FAM185A: variants seen among roughly 807,000 people sequenced by gnomAD.
FAM185A encodes the protein protein FAM185A.
Under a neutral mutation model 45.7 loss-of-function variants are expected in FAM185A, and 21 were observed. The observed-to-expected ratio is 0.46, with a 90% CI of 0.33 to 0.66. The LOEUF is 0.66. Ranked by LOEUF, FAM185A falls within the 30% of genes least tolerant of loss-of-function variation. The pLI is 0.03. For synonymous variants in FAM185A, 117 were observed against 194.0 expected, an observed-to-expected ratio of 0.60 and a Z score of 3.30; for missense variants, 305 against 485.4, an observed-to-expected ratio of 0.63 and a Z score of 3.49.
chr7:102,799,947 A>T (rs1796681526), intron 7 of FAM185A, among the ~76,000 whole-genome samples: 2 of 152,138 alleles, frequency 1.3e-5, no homozygotes, highest in Admixed American at 1.3e-4. Flanking sequence ...CATAGGAATA[A>T]ATCAGGAAAC....
intron 7 of FAM185A, among the ~76,000 whole-genome samples, chr7:102,795,306 G>A (rs528843997): frequency 1.2e-3 from 187 of 152,222 alleles, no homozygotes; most frequent in African/African-American, 4.1e-3. Flanking sequence ...TCTCTCTACT[G>A]TTTTTGTAAC....
chr7:102,782,394 C>A (rs1795467706), intron 6 of FAM185A, among the ~76,000 whole-genome samples: 2 of 152,238 alleles, frequency 1.3e-5, no homozygotes, highest in South Asian at 4.1e-4. Flanking sequence ...TAAGGGCAGC[C>A]AGAGAGAAAG....
chr7:102,846,183 C>G, the FAM185A span, among the ~76,000 whole-genome samples: 3 of 152,148 alleles, frequency 2.0e-5, no homozygotes, highest in Admixed American at 6.5e-5. Context: ...CCCACTAAAC[C>G]TAGCCTCATC....
intron 4 of FAM185A, among the ~76,000 whole-genome samples, chr7:102,762,810 C>T (rs3893049): frequency 0.85 from 120,866 of 142,956 alleles, 51,476 homozygotes; most frequent in Non-Finnish European, 0.89. Flanking sequence ...TGGAGCTGTA[C>T]CCAGATGAAG....
chr7:102,822,758 G>C, the FAM185A span, among the ~76,000 whole-genome samples: 1 of 152,190 alleles, frequency 6.6e-6, no homozygotes, highest in African/African-American at 2.4e-5. Flanking sequence ...TAAAATATCT[G>C]CCTCAAGTAG....
chr7:102,800,003 A>G (rs1161542499), intron 7 of FAM185A, among the ~76,000 whole-genome samples: 2 of 152,212 alleles, frequency 1.3e-5, no homozygotes, highest in Non-Finnish European at 2.9e-5. Context: ...TTGCTCCTAC[A>G]GGACCCAAGA....
At chr7:102,848,332 G>A in the FAM185A span, among the ~76,000 whole-genome samples, 1 of 50,220 alleles carries the variant, frequency 2.0e-5, no homozygotes, top group South Asian at 6.9e-4. Context: ...CGAGGCGGGC[G>A]GATCACGAGG....
chr7:102,820,344 C>T, the FAM185A span, among the ~76,000 whole-genome samples: 1 of 152,212 alleles, frequency 6.6e-6, no homozygotes, highest in African/African-American at 2.4e-5. Context: ...AATAGGCCTT[C>T]GGCTGTCATG....
rs374709539 is a variant in FAM185A, at chr7:102,762,702, T to C, written c.793+1291T>C. On this transcript the variant is annotated intron_variant, in intron 4 of 7. Transcript: ENST00000413034. Reference sequence around the variant, plus strand: ...AAAAATTTTAAAAAGCATACTTATATGCTTGAAATAGTTCTGGAGCCTCAA... The same window carrying C: ...AAAAATTTTAAAAAGCATACTTATACGCTTGAAATAGTTCTGGAGCCTCAA... Among the ~76,000 whole-genome samples, 6 of 152,240 alleles carry C rather than the reference T, an allele frequency of 3.9e-5. No homozygotes were observed. In the East Asian group the frequency reaches 1.2e-3, roughly 29 times the overall value.
At chr7:102,828,695 G>A in the FAM185A span, among the ~76,000 whole-genome samples, 2 of 152,164 alleles carry the variant, frequency 1.3e-5, no homozygotes, top group African/African-American at 2.4e-5. Flanking sequence ...TGTTTCAGTG[G>A]TCTAGAGACA....
At chr7:102,847,577 A>G in the FAM185A span, among the ~76,000 whole-genome samples, 2 of 151,660 alleles carry the variant, frequency 1.3e-5, no homozygotes, top group Admixed American at 1.3e-4. Context: ...CCCAGGCTGG[A>G]GTGCAGTGGT....
At chr7:102,798,459 C>A (rs7778519) in intron 7 of FAM185A, among the ~76,000 whole-genome samples, 2 of 151,604 alleles carry the variant, frequency 1.3e-5, no homozygotes, top group African/African-American at 4.9e-5. Context: ...GCTGAAATTG[C>A]TTGTGTGTTC....
chr7:102,846,214 G>T, the FAM185A span, among the ~76,000 whole-genome samples: 1 of 152,108 alleles, frequency 6.6e-6, no homozygotes, highest in Non-Finnish European at 1.5e-5. Flanking sequence ...AAATTATAAT[G>T]ATTTCTGTTT....
chr7:102,779,994 A>G (rs1182668962), intron 6 of FAM185A, among the ~76,000 whole-genome samples: 1 of 151,838 alleles, frequency 6.6e-6, no homozygotes, highest in Non-Finnish European at 1.5e-5. Context: ...TACAGCCACA[A>G]GCCACTGTGC....
chr7:102,804,280 C>G (rs575788063), intron 7 of FAM185A, among the ~76,000 whole-genome samples: 1 of 152,166 alleles, frequency 6.6e-6, no homozygotes, highest in Non-Finnish European at 1.5e-5. Flanking sequence ...TGACTTCAAA[C>G]TATACTTTAA....
At chr7:102,753,247 T>C (rs1409576746) in intron 2 of FAM185A, among the ~76,000 whole-genome samples, 1 of 151,678 alleles carries the variant, frequency 6.6e-6, no homozygotes, top group Non-Finnish European at 1.5e-5. Flanking sequence ...TTCAGAAAAC[T>C]AATCTAGACT....
chr7:102,836,862 T>C, the FAM185A span, among the ~76,000 whole-genome samples: 25 of 152,348 alleles, frequency 1.6e-4, no homozygotes, highest in African/African-American at 6.0e-4. Flanking sequence ...CTTCTAGCCT[T>C]AGAAAAGCTC....
the FAM185A span, among the ~76,000 whole-genome samples, chr7:102,828,967 T>C: frequency 5.9e-5 from 9 of 152,250 alleles, no homozygotes; most frequent in Middle Eastern, 3.4e-3. Flanking sequence ...AGAATAACTA[T>C]AGAATGTGCT....
rs550980661 is a variant in FAM185A at position 102,751,854 on chromosome 7, C to A, written c.561+53C>A. 232 of 938,920 alleles carry A rather than the reference C, an allele frequency of 2.5e-4. 1 individual carries two copies. In the African/African-American group the frequency reaches 3.6e-3, roughly 15 times the overall value. 58.2% of individuals were successfully genotyped at this position (938,920 alleles called of 1,614,324 possible). ...CTATTATTTTTTTAAAAGCCTTAAGCTATGAATCGTACTATCAAACTCAAG... is the reference window on the plus strand; with the variant it reads ...CTATTATTTTTTTAAAAGCCTTAAGATATGAATCGTACTATCAAACTCAAG... On this transcript the variant is annotated intron_variant, in intron 2 of 7. Transcript: ENST00000413034.
Sources: gnomAD v4.1 joint callset for allele counts (sites outside exome capture counted in the v4.1 genomes callset) on GRCh38, gnomAD v4.1.1 for gene constraint, MANE v1.5 for transcripts, NCBI Gene and HGNC (gene_info 2026-07-23, HGNC 2026-07-21) for gene names.